NKAIN2: variants seen among roughly 807,000 people sequenced by gnomAD.
NKAIN2 encodes sodium/potassium transporting ATPase interacting 2.
In NKAIN2, 14 loss-of-function variants were observed where a neutral mutation model predicts 32.6. The observed-to-expected ratio is 0.43, with a 90% CI of 0.28 to 0.67. The LOEUF (loss-of-function observed/expected upper bound fraction) is 0.67, where lower values mean the gene tolerates loss of function less well. Among genes scored for constraint, NKAIN2 ranks in the 30% least tolerant of loss-of-function variants. NKAIN2 has a pLI of 0.17. For missense variants in NKAIN2, 198 were observed against 258.3 expected, an observed-to-expected ratio of 0.77 and a Z score of 1.60; for synonymous variants, 80 against 87.2, an observed-to-expected ratio of 0.92 and a Z score of 0.46.
chr6:124,077,320 TTGTC>T (rs1362740994), intron 1 of NKAIN2, among the ~76,000 whole-genome samples: 1 of 152,216 alleles, frequency 6.6e-6, no homozygotes, highest in Non-Finnish European at 1.5e-5. Flanking sequence ...TATTTTATTT[TTGTC>T]AGTGTTTTTA....
intron 3 of NKAIN2, among the ~76,000 whole-genome samples, chr6:124,484,231 A>G (rs970906173): frequency 3.9e-5 from 6 of 152,220 alleles, no homozygotes; most frequent in African/African-American, 1.4e-4. Context: ...CCATTTCAGG[A>G]ACATTCTGGA....
At chr6:124,212,454 G>C (rs1043649271) in intron 1 of NKAIN2, among the ~76,000 whole-genome samples, 2 of 152,062 alleles carry the variant, frequency 1.3e-5, no homozygotes, top group Non-Finnish European at 2.9e-5. Flanking sequence ...TAGAGTGTTA[G>C]AGAGTTTACA....
At chr6:124,315,445 A>G (rs1013619361) in intron 2 of NKAIN2, among the ~76,000 whole-genome samples, 1 of 115,820 alleles carries the variant, frequency 8.6e-6, no homozygotes, top group African/African-American at 3.8e-5. Flanking sequence ...GCACAAAAAG[A>G]AAATCTCATA....
intron 1 of NKAIN2, among the ~76,000 whole-genome samples, chr6:123,920,654 G>A (rs759097993): frequency 4.6e-5 from 7 of 152,028 alleles, no homozygotes; most frequent in Non-Finnish European, 7.4e-5. Context: ...GAATAATTTA[G>A]CTTCTTCAAG....
At chr6:124,386,040 C>T (rs1332475696) in intron 3 of NKAIN2, among the ~76,000 whole-genome samples, 2 of 152,040 alleles carry the variant, frequency 1.3e-5, no homozygotes, top group Admixed American at 6.6e-5. Flanking sequence ...GTCTTTTTTA[C>T]ATTATTAATT....
At chr6:124,269,453 CT>C (rs869242095) in intron 1 of NKAIN2, among the ~76,000 whole-genome samples, 10 of 109,184 alleles carry the variant, frequency 9.2e-5, no homozygotes, top group South Asian at 2.7e-4. Context: ...TTCTTTCTTT[CT>C]TTTTTTTTTC....
chr6:124,075,749 C>G lies in NKAIN2; in HGVS notation c.55-207256C>G, dbSNP rs1437743161. Among the ~76,000 whole-genome samples the G allele has an allele frequency of 1.3e-5, 2 of 152,114 alleles. 1 individual carries two copies. Among genetic ancestry groups the G allele is most frequent in the Admixed American group, 1.3e-4 (2 of 15,266 alleles). ...TAGCTGGGATTACAGGCACCCACCACCATGTCCGGCTAATTTTTGTATTTT... is the reference window on the plus strand; with the variant it reads ...TAGCTGGGATTACAGGCACCCACCAGCATGTCCGGCTAATTTTTGTATTTT... On this transcript the variant is annotated intron_variant, in intron 1 of 6. Transcript: ENST00000368417.
chr6:123,953,693 A>C (rs1306689547), intron 1 of NKAIN2, among the ~76,000 whole-genome samples: 2 of 152,040 alleles, frequency 1.3e-5, no homozygotes, highest in Non-Finnish European at 2.9e-5. Flanking sequence ...GCATGTTTGG[A>C]CACCTTTGAG....
intron 1 of NKAIN2, among the ~76,000 whole-genome samples, chr6:124,188,549 G>A (rs1455773664): frequency 2.6e-5 from 4 of 152,186 alleles, no homozygotes; most frequent in African/African-American, 9.7e-5. Flanking sequence ...GCCTAGGCAA[G>A]TTAACATGTC....
intron 3 of NKAIN2, among the ~76,000 whole-genome samples, chr6:124,360,213 G>C (rs941811707): frequency 1.3e-5 from 2 of 152,078 alleles, no homozygotes; most frequent in African/African-American, 2.4e-5. Flanking sequence ...TGTTCATCAG[G>C]GATATTGGTC....
intron 1 of NKAIN2, among the ~76,000 whole-genome samples, chr6:123,911,411 T>G (rs1048141371): frequency 6.6e-6 from 1 of 151,006 alleles, no homozygotes; most frequent in Non-Finnish European, 1.5e-5. Flanking sequence ...GAGGAGGAGG[T>G]GCCAGACTCT....
chr6:124,525,880 T>C (rs905834729), intron 3 of NKAIN2, among the ~76,000 whole-genome samples: 1 of 151,898 alleles, frequency 6.6e-6, no homozygotes, highest in Non-Finnish European at 1.5e-5. Flanking sequence ...GAAGATAAAA[T>C]AAGCAAACAG....
chr6:124,729,687 T>G (rs1307476949), intron 4 of NKAIN2, among the ~76,000 whole-genome samples: 2 of 150,502 alleles, frequency 1.3e-5, no homozygotes, highest in African/African-American at 2.4e-5. Context: ...CTATTCAACA[T>G]AGTGTTGGAA....
chr6:123,916,529 G>A (rs186353884), intron 1 of NKAIN2, among the ~76,000 whole-genome samples: 2 of 152,216 alleles, frequency 1.3e-5, no homozygotes, highest in East Asian at 3.9e-4. Context: ...CTCCCAAGTG[G>A]TGGAATTACA....
At chr6:123,900,582 C>G (rs1333120606) in intron 1 of NKAIN2, among the ~76,000 whole-genome samples, 1 of 69,788 alleles carries the variant, frequency 1.4e-5, no homozygotes, top group Admixed American at 2.4e-4. Flanking sequence ...TGACTTCAGA[C>G]AAACATTAGT....
intron 4 of NKAIN2, among the ~76,000 whole-genome samples, chr6:124,778,215 G>A (rs1334596342): frequency 1.3e-5 from 2 of 150,544 alleles, no homozygotes; most frequent in African/African-American, 2.5e-5. Context: ...AAATGTAGTC[G>A]GAAATATAAT....
chr6:124,239,576 T>G (rs951465631), intron 1 of NKAIN2, among the ~76,000 whole-genome samples: 8 of 152,080 alleles, frequency 5.3e-5, no homozygotes, highest in Non-Finnish European at 1.2e-4. Flanking sequence ...AAATTAGAAC[T>G]CAGGATTAAG....
intron 3 of NKAIN2, among the ~76,000 whole-genome samples, chr6:124,588,065 T>C (rs1048540729): frequency 6.6e-6 from 1 of 152,166 alleles, no homozygotes; most frequent in Non-Finnish European, 1.5e-5. Flanking sequence ...ATAGATGATA[T>C]AGGTTCCGCT....
chr6:124,518,694 G>T (rs1445868991), intron 3 of NKAIN2, among the ~76,000 whole-genome samples: 1 of 152,100 alleles, frequency 6.6e-6, no homozygotes, highest in Non-Finnish European at 1.5e-5. Context: ...TGAGATTTGG[G>T]CAGAGACACA....
Sources: gnomAD v4.1 joint callset for allele counts (sites outside exome capture counted in the v4.1 genomes callset) on GRCh38, gnomAD v4.1.1 for gene constraint, MANE v1.5 for transcripts, NCBI Gene and HGNC (gene_info 2026-07-23, HGNC 2026-07-21) for gene names.